The following IFI35 variants were observed in gnomAD, a reference collection of about 807,000 sequenced individuals.
IFI35 encodes the protein interferon induced protein 35, also known as interferon-induced 35 kDa protein.
IFI35 carries 30 observed loss-of-function variants against 28.6 expected under a neutral mutation model. That is an observed-to-expected ratio of 1.05 (90% CI 0.79 to 1.43). The LOEUF (loss-of-function observed/expected upper bound fraction) is 1.43. Among genes scored for constraint, IFI35 ranks in the 40% most tolerant of loss-of-function variants. The pLI is 0.00. For missense variants in IFI35, 372 were observed against 356.9 expected, an observed-to-expected ratio of 1.04 and a Z score of -0.34; for synonymous variants, 146 against 154.8, an observed-to-expected ratio of 0.94 and a Z score of 0.42.
At chr17:43,010,755 C>T (rs1357725137) in intron 1 of IFI35, among the ~76,000 whole-genome samples, 1 of 152,214 alleles carries the variant, frequency 6.6e-6, no homozygotes, top group Non-Finnish European at 1.5e-5. Context: ...CACTTCATTT[C>T]TTCATTCAAC....
At chr17:43,011,202 T>C (rs937851334) in intron 1 of IFI35, among the ~76,000 whole-genome samples, 1 of 152,216 alleles carries the variant, frequency 6.6e-6, no homozygotes, top group East Asian at 1.9e-4. Flanking sequence ...TTAACCTCTC[T>C]GAGCTTTAAT....
intron 2 of IFI35, 21 bp downstream of exon 2, chr17:43,012,298 T>G (rs907349108): frequency 2.6e-6 from 4 of 1,546,046 alleles, no homozygotes; most frequent in African/African-American, 2.7e-5. Context: ...AGATCTGGTG[T>G]TGTTTGGTAA....
At position 43,006,940 on chromosome 17, in the gene IFI35, C is replaced by T. The variant is rs568180576; in HGVS notation, c.-8C>T. ...AGCCTCAGCTCTTGCCAAACAGACCCGAGACCCATGTCAGCCCCACTGGAT... is the reference window on the plus strand; with the variant it reads ...AGCCTCAGCTCTTGCCAAACAGACCTGAGACCCATGTCAGCCCCACTGGAT... On this transcript the variant is annotated 5_prime_UTR_variant, in exon 1 of 7. Coordinates refer to ENST00000415816, the MANE Select transcript of IFI35 (RefSeq NM_001330230.2). The T allele has an allele frequency of 2.7e-5, 43 of 1,614,012 alleles. No homozygotes were observed. Among genetic ancestry groups the T allele is most frequent in the East Asian group, 6.7e-5 (3 of 44,880 alleles).
intron 2 of IFI35, chr17:43,012,753 A>T (rs182296888): frequency 2.6e-6 from 1 of 380,016 alleles, no homozygotes; most frequent in African/African-American, 2.1e-5. Context: ...AACACAAAAA[A>T]GAGCTGGGGA....
At chr17:43,013,004 G>A (rs758778714) in intron 2 of IFI35, 43 bp from the exon 3 acceptor site, 3 of 1,591,518 alleles carry the variant, frequency 1.9e-6, no homozygotes, top group Non-Finnish European at 2.6e-6. Flanking sequence ...CTTCCTCCTA[G>A]GTGGGAGTGA....
In IFI35 at chr17:43,014,429, CAGAA is replaced by C; in HGVS notation, c.*131_*134del. 1 of 533,562 alleles carries C rather than the reference CAGAA, an allele frequency of 1.9e-6. No homozygotes were observed. Among genetic ancestry groups the C allele is most frequent in the South Asian group, 3.2e-5 (1 of 31,372 alleles). 33.1% of individuals were successfully genotyped at this position (533,562 alleles called of 1,614,324 possible). A position where few individuals can be genotyped will look rare whatever the true frequency, so the allele number is the denominator to read the frequency against. On this transcript the variant is annotated 3_prime_UTR_variant, in exon 7 of 7. Coordinates refer to ENST00000415816, the MANE Select transcript of IFI35 (RefSeq NM_001330230.2). ...GGGTCACACATTGCAAAACACTGCC[CAGAA>C]CAGTAAAAAGAGCCTGCATGCCATG...
chr17:43,011,413 G>A (rs1481141339), intron 1 of IFI35, among the ~76,000 whole-genome samples: 1 of 152,090 alleles, frequency 6.6e-6, no homozygotes, highest in Non-Finnish European at 1.5e-5. Context: ...CAGCTACTTG[G>A]GAGGCTGAGG....
At chr17:43,008,163 T>A (rs897261406) in intron 1 of IFI35, among the ~76,000 whole-genome samples, 2 of 149,182 alleles carry the variant, frequency 1.3e-5, no homozygotes. Context: ...GCCTCCCAAG[T>A]AACTGGGAGT....
chr17:43,012,311 A>C (rs1269959935), intron 2 of IFI35, 34 bp downstream of exon 2: 3 of 1,519,268 alleles, frequency 2.0e-6, no homozygotes, highest in Non-Finnish European at 2.7e-6. Context: ...TTTGGTAAAA[A>C]CGAGCTGGCG....
Position 43,014,443 on chromosome 17 carries a change from G to C in IFI35, c.*144G>C. The C allele has an allele frequency of 2.1e-6, 1 of 472,598 alleles. No individual in the cohort carries two copies. Among genetic ancestry groups the C allele is most frequent in the Non-Finnish European group, 3.7e-6 (1 of 272,308 alleles). 29.3% of individuals were successfully genotyped at this position (472,598 alleles called of 1,614,324 possible). A position where few individuals can be genotyped will look rare whatever the true frequency, so the allele number is the denominator to read the frequency against. On this transcript the variant is annotated 3_prime_UTR_variant, in exon 7 of 7. Coordinates refer to ENST00000415816, the MANE Select transcript of IFI35 (RefSeq NM_001330230.2). ...AAAACACTGCCCAGAACAGTAAAAA[G>C]AGCCTGCATGCCATGATGTTCTTCC...
At chr17:43,013,964 G>A in intron 6 of IFI35, 82 bp downstream of exon 6, 1 of 1,310,774 alleles carries the variant, frequency 7.6e-7, no homozygotes. Flanking sequence ...AGGATCAGAG[G>A]CCCCAAACCC....
In IFI35 at chr17:43,014,197, C is replaced by A; in HGVS notation, c.759C>A (p.Ile253=). 1 of 1,613,872 alleles carries A rather than the reference C, an allele frequency of 6.2e-7. No individual in the cohort carries two copies. The highest frequency in any genetic ancestry group is 2.2e-5 in the East Asian group (1 of 44,870). The stretch of plus-strand genomic sequence containing the variant: ...CGGAGCTGCATGACGTCCTGGAGAT[C>A]CACTTCCAGAAGCCCACCCGCGGGG... ...DGPELHDVLE[I]HFQKPTRGGG... Residue 253 remains isoleucine, a synonymous_variant, in exon 7 of 7, where the codon ATC becomes ATA. Coordinates refer to ENST00000415816, the MANE Select transcript of IFI35 (RefSeq NM_001330230.2).
chr17:43,014,223 G>A lies in IFI35; in HGVS notation c.785G>A (p.Gly262Asp), dbSNP rs754880852. The change falls in exon 7 of 7, where the codon GGC (glycine) becomes GAC (aspartate). Residue 262 changes from glycine (G) to aspartate (D), a missense_variant. Gly to Asp is a moderately conservative substitution (Grantham distance 94, BLOSUM62 -1). Transcript: ENST00000415816. ...CACTTCCAGAAGCCCACCCGCGGGG[G>A]CGGGGAGGTAGAGGCCCTGACAGTC... ...EIHFQKPTRG[G>D]GEVEALTVVP... 7 of 1,612,888 alleles carry A rather than the reference G, an allele frequency of 4.3e-6. No individual in the cohort carries two copies. In the East Asian group the frequency reaches 6.7e-5, roughly 15 times the overall value.
intron 1 of IFI35, among the ~76,000 whole-genome samples, chr17:43,011,738 C>T (rs2050460138): frequency 6.6e-6 from 1 of 152,096 alleles, no homozygotes; most frequent in Admixed American, 6.6e-5. Flanking sequence ...TGGAGGTGTC[C>T]CTAATTGGGT....
intron 1 of IFI35, among the ~76,000 whole-genome samples, chr17:43,007,361 T>C (rs1273875854): frequency 1.3e-5 from 2 of 151,962 alleles, no homozygotes. Flanking sequence ...AAAAATTAGC[T>C]GTGTGTGGTG....
chr17:43,011,555 T>C (rs2151968753), intron 1 of IFI35, among the ~76,000 whole-genome samples: 1 of 152,076 alleles, frequency 6.6e-6, no homozygotes, highest in African/African-American at 2.4e-5. Flanking sequence ...AAAAAATAAA[T>C]CAATAAAATA....
In IFI35 at chr17:43,009,897, C is replaced by A. The variant is rs182642867; in HGVS notation, c.22-2282C>A. ...GCAGCGAGCCGATATTGCGCCACTG[C>A]ACTCCAGCCTAGGCAACAGAGGGAG... On this transcript the variant is annotated intron_variant, in intron 1 of 6. Transcript: ENST00000415816. 6.0e-5 allele frequency among the ~76,000 whole-genome samples: 9 copies of A among 151,160 alleles called. No homozygotes were observed. In the East Asian group the frequency reaches 1.8e-3, roughly 30 times the overall value.
chr17:43,007,872 T>TATATATATAC (rs1491453151), intron 1 of IFI35, among the ~76,000 whole-genome samples: 4 of 136,598 alleles, frequency 2.9e-5, no homozygotes, highest in African/African-American at 1.1e-4. Context: ...TATATATATA[T>TATATATATAC]ACTATAAGAA....
intron 1 of IFI35, among the ~76,000 whole-genome samples, chr17:43,009,677 C>T (rs973970197): frequency 2.6e-5 from 4 of 151,728 alleles, no homozygotes; most frequent in Non-Finnish European, 5.9e-5. Context: ...CGCTTGAACC[C>T]GGGAGTCAGA....
Sources: gnomAD v4.1 joint callset for allele counts (sites outside exome capture counted in the v4.1 genomes callset) on GRCh38, gnomAD v4.1.1 for gene constraint, MANE v1.5 for transcripts, NCBI Gene and HGNC (gene_info 2026-07-23, HGNC 2026-07-21) for gene names.